Variants in TRPM3 observed in about 807,000 individuals in gnomAD.
TRPM3 encodes the protein long transient receptor potential channel 3.
Under a neutral mutation model 181.2 loss-of-function variants are expected in TRPM3, and 77 were observed. That is an observed-to-expected ratio of 0.42 (90% CI 0.35 to 0.51). The LOEUF (loss-of-function observed/expected upper bound fraction) is 0.51, where lower values mean the gene tolerates loss of function less well. Among genes scored for constraint, TRPM3 ranks in the 20% least tolerant of loss-of-function variants. The probability of loss-of-function intolerance (pLI) is 0.01; values close to 1 mark genes in which losing one functional copy is unlikely to be tolerated. For synonymous variants in TRPM3, 745 were observed against 796.4 expected (o/e 0.94, Z 1.09); for missense variants, 1,759 against 2,196.7 (o/e 0.80, Z 3.98).
chr9:70,554,221 C>A (rs1368739705), intron 22 of TRPM3, among the ~76,000 whole-genome samples: 1 of 152,152 alleles, frequency 6.6e-6, no homozygotes, highest in Non-Finnish European at 1.5e-5. Context: ...GCTGCACAGA[C>A]AATGTGGCTC....
At chr9:71,133,227 A>G (rs866785539) in intron 1 of TRPM3, among the ~76,000 whole-genome samples, 3 of 150,310 alleles carry the variant, frequency 2.0e-5, no homozygotes, top group Admixed American at 6.7e-5. Flanking sequence ...TGTGTTATAC[A>G]TTTATCTGGT....
At chr9:71,420,803 GAGAGAA>G (rs1158015124) in intron 1 of TRPM3, among the ~76,000 whole-genome samples, 1 of 9,856 alleles carries the variant, frequency 1.0e-4, no homozygotes, top group Non-Finnish European at 3.1e-4. Context: ...GAGAAAGAAA[GAGAGAA>G]AGAAAGAGAG....
intron 1 of TRPM3, among the ~76,000 whole-genome samples, chr9:71,263,084 A>G (rs1346984289): frequency 6.6e-6 from 1 of 152,254 alleles, no homozygotes; most frequent in African/African-American, 2.4e-5. Context: ...AAAACTAAAA[A>G]TAACTAATGA....
At chr9:71,438,335 AG>A (rs2094079109) in intron 1 of TRPM3, among the ~76,000 whole-genome samples, 1 of 152,178 alleles carries the variant, frequency 6.6e-6, no homozygotes, top group African/African-American at 2.4e-5. Context: ...GGTATTAAGA[AG>A]TTTTTTTTAA....
At chr9:71,303,134 G>A (rs781022479) in intron 1 of TRPM3, among the ~76,000 whole-genome samples, 5 of 152,100 alleles carry the variant, frequency 3.3e-5, no homozygotes, top group African/African-American at 7.2e-5. Context: ...CCACCATCAC[G>A]GTGTGATGTA....
At chr9:71,164,687 A>C (rs2076452449) in intron 1 of TRPM3, among the ~76,000 whole-genome samples, 1 of 152,150 alleles carries the variant, frequency 6.6e-6, no homozygotes. Flanking sequence ...ACTTCGACTA[A>C]ATTTTATTTT....
chr9:71,384,262 G>C (rs1380107296), intron 1 of TRPM3, among the ~76,000 whole-genome samples: 1 of 152,126 alleles, frequency 6.6e-6, no homozygotes, highest in East Asian at 1.9e-4. Context: ...TTTCAGAAAT[G>C]CTGCCAAAGG....
chr9:70,809,771 T>G (rs1033370519), intron 6 of TRPM3, among the ~76,000 whole-genome samples: 24 of 152,204 alleles, frequency 1.6e-4, no homozygotes, highest in African/African-American at 5.8e-4. Flanking sequence ...TCAAGTCACA[T>G]GGTTTGGACC....
intron 1 of TRPM3, among the ~76,000 whole-genome samples, chr9:71,338,916 C>T (rs112370700): frequency 3.3e-5 from 5 of 152,028 alleles, no homozygotes; most frequent in African/African-American, 7.2e-5. Flanking sequence ...CAATTAGACA[C>T]GAAACAGGAA....
intron 4 of TRPM3, among the ~76,000 whole-genome samples, chr9:70,844,654 G>T (rs1330334787): frequency 6.6e-6 from 1 of 152,180 alleles, no homozygotes; most frequent in African/African-American, 2.4e-5. Context: ...ACATTTTATT[G>T]TTAAGAACCT....
At chr9:71,097,335 C>T (rs2067487885) in intron 1 of TRPM3, among the ~76,000 whole-genome samples, 1 of 151,818 alleles carries the variant, frequency 6.6e-6, no homozygotes, top group Non-Finnish European at 1.5e-5. Context: ...AACTGGTGAA[C>T]ATTTTATGTA....
chr9:71,207,626 T>C (rs1012380299), intron 1 of TRPM3, among the ~76,000 whole-genome samples: 8 of 152,172 alleles, frequency 5.3e-5, no homozygotes, highest in East Asian at 1.9e-4. Context: ...TGGCACTGCA[T>C]AGTATAGTAC....
At chr9:71,255,090 T>C (rs1297501987) in intron 1 of TRPM3, among the ~76,000 whole-genome samples, 1 of 152,176 alleles carries the variant, frequency 6.6e-6, no homozygotes, top group Non-Finnish European at 1.5e-5. Flanking sequence ...TCCCCATAGC[T>C]ACCACTAATC....
At chr9:71,317,567 G>A (rs2132442791) in intron 1 of TRPM3, among the ~76,000 whole-genome samples, 1 of 151,874 alleles carries the variant, frequency 6.6e-6, no homozygotes, top group African/African-American at 2.4e-5. Flanking sequence ...TTTGAGTCCA[G>A]GAGGCAGAGG....
intron 1 of TRPM3, among the ~76,000 whole-genome samples, chr9:70,926,085 AG>A (rs949193679): frequency 6.6e-6 from 1 of 152,068 alleles, no homozygotes; most frequent in Non-Finnish European, 1.5e-5. Flanking sequence ...CACATAGAAA[AG>A]TCATCCATGT....
At chr9:71,100,491 T>C (rs573616846) in intron 1 of TRPM3, among the ~76,000 whole-genome samples, 53 of 152,304 alleles carry the variant, frequency 3.5e-4, no homozygotes, top group African/African-American at 1.3e-3. Context: ...GGAATAATTC[T>C]AGTTCCCTTA....
At chr9:70,698,615 T>A (rs1472712464) in intron 8 of TRPM3, among the ~76,000 whole-genome samples, 1 of 152,160 alleles carries the variant, frequency 6.6e-6, no homozygotes, top group Admixed American at 6.5e-5. Context: ...GTGATATGGT[T>A]TGGATCAGTG....
At chr9:71,042,992 CT>C (rs2132994652) in intron 1 of TRPM3, among the ~76,000 whole-genome samples, 1 of 152,324 alleles carries the variant, frequency 6.6e-6, no homozygotes, top group East Asian at 1.9e-4. Context: ...ATTCCTGTTT[CT>C]TGCGATTACA....
At chr9:70,983,821 CTGTTTAGAGCCTAT>C (rs1428496498) in intron 1 of TRPM3, among the ~76,000 whole-genome samples, 1 of 152,182 alleles carries the variant, frequency 6.6e-6, no homozygotes, top group Non-Finnish European at 1.5e-5. Flanking sequence ...CAAGTCCTGG[CTGTTTAGAGCCTAT>C]TGTTACAAAG....
Sources: gnomAD v4.1 joint callset for allele counts (sites outside exome capture counted in the v4.1 genomes callset) on GRCh38, gnomAD v4.1.1 for gene constraint, MANE v1.5 for transcripts, NCBI Gene and HGNC (gene_info 2026-07-23, HGNC 2026-07-21) for gene names.